FKBP9: variants seen among roughly 807,000 people sequenced by gnomAD.
The protein encoded by FKBP9 is FKBP prolyl isomerase 9.
Under a neutral mutation model 55.6 loss-of-function variants are expected in FKBP9, and 27 were observed. The ratio of observed to expected loss-of-function variants is 0.49; its 90% CI spans 0.36 to 0.67. The LOEUF (loss-of-function observed/expected upper bound fraction) is 0.67, where lower values mean the gene tolerates loss of function less well. Among genes scored for constraint, FKBP9 ranks in the 30% least tolerant of loss-of-function variants. FKBP9 has a pLI of 0.00. For synonymous variants in FKBP9, 267 were observed against 296.5 expected (o/e 0.90, Z 1.02); for missense variants, 539 against 742.8 (o/e 0.73, Z 3.19).
intron 5 of FKBP9, among the ~76,000 whole-genome samples, chr7:32,988,021 A>T (rs1281217573): frequency 6.6e-6 from 1 of 152,118 alleles, no homozygotes; most frequent in Non-Finnish European, 1.5e-5. Flanking sequence ...TCTACAAAAA[A>T]AAAAAAGTAT....
intron 5 of FKBP9, among the ~76,000 whole-genome samples, chr7:32,983,501 G>GCCA (rs1364027758): frequency 1.3e-5 from 2 of 148,790 alleles, no homozygotes; most frequent in East Asian, 4.0e-4. Context: ...TTTTGATAGA[G>GCCA]ACAGGGTTTT....
At chr7:32,983,412 T>C (rs1243818364) in intron 5 of FKBP9, among the ~76,000 whole-genome samples, 1 of 151,814 alleles carries the variant, frequency 6.6e-6, no homozygotes, top group Non-Finnish European at 1.5e-5. Context: ...CCTGCTGGGT[T>C]CAAGTGATTC....
At chr7:32,978,165 A>G (rs1309353058) in intron 4 of FKBP9, among the ~76,000 whole-genome samples, 1 of 151,824 alleles carries the variant, frequency 6.6e-6, no homozygotes, top group Non-Finnish European at 1.5e-5. Context: ...CAAGCCATCC[A>G]TCCACCTCGG....
chr7:32,986,565 G>A (rs1234253156), intron 5 of FKBP9, among the ~76,000 whole-genome samples: 1 of 152,242 alleles, frequency 6.6e-6, no homozygotes, highest in Admixed American at 6.5e-5. Context: ...TGCTCAGCGT[G>A]GGGTGCTGTT....
intron 4 of FKBP9, among the ~76,000 whole-genome samples, chr7:32,978,408 A>T (rs1784406443): frequency 6.6e-6 from 1 of 152,080 alleles, no homozygotes. Flanking sequence ...TCACTCTGTC[A>T]CCCAGACTGG....
rs184845802 is a variant in FKBP9, at chr7:32,997,094, A to C, written c.1226+745A>C. On this transcript the variant is annotated intron_variant, in intron 7 of 9. Transcript: ENST00000242209. Reference sequence around the variant, plus strand: ...CAGGCGTGAGCCTCCGCGCCCGGCCAAGTCTCACTCTTTCACCCAGGCTGG... The same window carrying C: ...CAGGCGTGAGCCTCCGCGCCCGGCCCAGTCTCACTCTTTCACCCAGGCTGG... 5.9e-3 allele frequency among the ~76,000 whole-genome samples: 895 copies of C among 150,846 alleles called. 8 individuals are homozygous for C. The highest frequency in any genetic ancestry group is 0.021 in the African/African-American group (852 of 41,002).
At chr7:32,971,008 C>T (rs1209657641) in intron 1 of FKBP9, among the ~76,000 whole-genome samples, 5 of 150,732 alleles carry the variant, frequency 3.3e-5, no homozygotes, top group Non-Finnish European at 1.5e-5. Context: ...ATTATGATCT[C>T]AGCTGTGCAC....
chr7:32,962,927 G>A (rs1784053415), intron 1 of FKBP9, among the ~76,000 whole-genome samples: 1 of 151,822 alleles, frequency 6.6e-6, no homozygotes, highest in South Asian at 2.1e-4. Flanking sequence ...GAGGACAGTG[G>A]CCACCCAGCT....
rs1348310736 is a variant in FKBP9, at chr7:32,957,489, C to CG, written c.-84dup. On this transcript the variant is annotated 5_prime_UTR_variant, in exon 1 of 10. Coordinates refer to ENST00000242209, the MANE Select transcript of FKBP9 (RefSeq NM_007270.5). ...GGGTAGGGCCAGGAGACCCGGTCCACGTTTGCAAACGCAGCCGAACGCCCA... is the reference window on the plus strand; with the variant it reads ...GGGTAGGGCCAGGAGACCCGGTCCACGGTTTGCAAACGCAGCCGAACGCCCA... 4.7e-6 allele frequency: 5 copies of CG among 1,063,416 alleles called. No homozygotes were observed. The highest frequency in any genetic ancestry group is 6.2e-6 in the Non-Finnish European group (5 of 804,046). 65.9% of individuals were successfully genotyped at this position (1,063,416 alleles called of 1,614,324 possible). A position where few individuals can be genotyped will look rare whatever the true frequency, so the allele number is the denominator to read the frequency against.
chr7:32,974,491 C>T, intron 1 of FKBP9, 126 bp from the exon 2 acceptor site: 1 of 732,648 alleles, frequency 1.4e-6, no homozygotes. Flanking sequence ...TCAGTAACTC[C>T]TAGGCAGGGT....
At chr7:32,975,012 C>T in intron 2 of FKBP9, 170 bp from the exon 3 acceptor site, 1 of 663,110 alleles carries the variant, frequency 1.5e-6, no homozygotes, top group East Asian at 2.7e-5. Flanking sequence ...TCTTTTCTTT[C>T]AATTTCATTT....
intron 1 of FKBP9, among the ~76,000 whole-genome samples, chr7:32,961,989 G>T (rs10259177): frequency 6.3e-4 from 96 of 151,688 alleles, no homozygotes; most frequent in Non-Finnish European, 5.9e-5. Context: ...CAATAAATTT[G>T]ATGTATCTGA....
chr7:32,959,182 G>T (rs1783967576), intron 1 of FKBP9, among the ~76,000 whole-genome samples: 1 of 151,558 alleles, frequency 6.6e-6, no homozygotes, highest in Non-Finnish European at 1.5e-5. Flanking sequence ...GAGGCGGGCG[G>T]ATCACGAGGT....
rs1284670454 is a variant in FKBP9, at chr7:32,995,945, G to A, written c.1040-218G>A. The stretch of plus-strand genomic sequence containing the variant: ...GCTCATTACAGGCTGTGAGACCCAC[G>A]GCAAATCTGTGCCTCCGTTTATCCA... On this transcript the variant is annotated intron_variant, in intron 6 of 9. Transcript: ENST00000242209. 6.6e-5 allele frequency among the ~76,000 whole-genome samples: 10 copies of A among 152,130 alleles called. No individual in the cohort carries two copies. In the East Asian group the frequency reaches 9.6e-4, roughly 15 times the overall value.
chr7:32,999,472 G>T, intron 7 of FKBP9, among the ~76,000 whole-genome samples: 1 of 147,788 alleles, frequency 6.8e-6, no homozygotes. Flanking sequence ...AACTCTTGGT[G>T]GTCTTTTTTT....
rs1583877156 is a variant in FKBP9 at position 33,005,963 on chromosome 7, G to T, written c.*612G>T. The T allele has an allele frequency of 2.6e-5, 6 of 231,120 alleles. No individual in the cohort carries two copies. In the East Asian group the frequency reaches 3.7e-4, roughly 14 times the overall value. 14.3% of individuals were successfully genotyped at this position (231,120 alleles called of 1,614,324 possible). On this transcript the variant is annotated 3_prime_UTR_variant, in exon 10 of 10. Coordinates refer to ENST00000242209, the MANE Select transcript of FKBP9 (RefSeq NM_007270.5). ...CCCCACTATGGGCCTACCATTAATAGTGTATAACTTGGAGGTTAAAAGAGC... is the reference window on the plus strand; with the variant it reads ...CCCCACTATGGGCCTACCATTAATATTGTATAACTTGGAGGTTAAAAGAGC...
rs1174704279 is a variant in FKBP9, at chr7:33,005,198, G to C, written c.1560G>C (p.Gln520His). 1 of 1,613,836 alleles carries C rather than the reference G, an allele frequency of 6.2e-7. No individual in the cohort carries two copies. The highest frequency in any genetic ancestry group is 8.5e-7 in the Non-Finnish European group (1 of 1,179,896). Residue 520 changes from glutamine (Q) to histidine (H), a missense_variant, in exon 10 of 10, where the codon CAG (glutamine) becomes CAC (histidine). By Grantham distance (24) the Gln-to-His change is conservative (BLOSUM62 0). This residue lies in a region of FKBP9 where 102 missense variants were observed against 200.7 expected (regional missense o/e 0.51). Coordinates refer to ENST00000242209, the MANE Select transcript of FKBP9 (RefSeq NM_007270.5). ...LEEFSEYIHA[Q>H]VASGKGKLAP... is the part of the protein sequence containing the mutation. ...AGTTCTCAGAGTACATTCACGCCCA[G>C]GTGGCATCTGGCAAAGGGAAACTCG...
chr7:33,004,571 G>C (rs1784997469), intron 9 of FKBP9, among the ~76,000 whole-genome samples: 1 of 152,112 alleles, frequency 6.6e-6, no homozygotes, highest in Admixed American at 6.5e-5. Context: ...TCTCCTTAAA[G>C]TTTTATCCTG....
chr7:32,986,357 A>G (rs2953574), intron 5 of FKBP9, among the ~76,000 whole-genome samples: 1 of 152,174 alleles, frequency 6.6e-6, no homozygotes, highest in African/African-American at 2.4e-5. Context: ...AGCCCACCAC[A>G]TAGGTATCCT....
Sources: allele counts gnomAD v4.1 joint callset (sites outside exome capture counted in the v4.1 genomes callset), GRCh38; gene constraint gnomAD v4.1.1; regional missense constraint gnomAD v4.1.1; transcripts MANE v1.5; gene names NCBI Gene and HGNC (gene_info 2026-07-23, HGNC 2026-07-21).